ADAMTS17: variants seen among roughly 807,000 people sequenced by gnomAD.
The protein encoded by ADAMTS17 is A disintegrin and metalloproteinase with thrombospondin motifs 17.
ADAMTS17 carries 113 observed loss-of-function variants against 141.5 expected under a neutral mutation model. The observed-to-expected ratio is 0.80, with a 90% confidence interval of 0.69 to 0.93. The LOEUF (loss-of-function observed/expected upper bound fraction) is 0.93, where lower values mean the gene tolerates loss of function less well. Ranked by LOEUF, ADAMTS17 falls within the 40% of genes least tolerant of loss-of-function variation. The pLI, the probability that ADAMTS17 is intolerant of heterozygous loss-of-function variation, is 0.00. For missense variants in ADAMTS17, 1,659 were observed against 1,517.9 expected, an observed-to-expected ratio of 1.09 and a Z score of -1.54; for synonymous variants, 768 against 630.6, an observed-to-expected ratio of 1.22 and a Z score of -3.27.
At chr15:100,195,897 A>G (rs545626997) in intron 8 of ADAMTS17, among the ~76,000 whole-genome samples, 2 of 152,338 alleles carry the variant, frequency 1.3e-5, no homozygotes, top group African/African-American at 2.4e-5. Context: ...AGTGATCCCA[A>G]ATCATATTAA....
chr15:100,088,505 A>G (rs1311822038), intron 15 of ADAMTS17, among the ~76,000 whole-genome samples: 2 of 152,134 alleles, frequency 1.3e-5, no homozygotes, highest in African/African-American at 4.8e-5. Context: ...GTTCATATGG[A>G]ACCAAAAAAA....
At chr15:100,015,209 A>T (rs1427690256) in intron 18 of ADAMTS17, among the ~76,000 whole-genome samples, 1 of 152,140 alleles carries the variant, frequency 6.6e-6, no homozygotes, top group Non-Finnish European at 1.5e-5. Flanking sequence ...GTCTATTTGC[A>T]TGAATTGCCT....
intron 14 of ADAMTS17, among the ~76,000 whole-genome samples, chr15:100,097,151 T>C (rs1021800206): frequency 3.9e-5 from 6 of 152,144 alleles, no homozygotes; most frequent in Non-Finnish European, 8.8e-5. Context: ...CAGAAAAAGG[T>C]TTTGGACTCT....
At chr15:100,281,965 C>T (rs1342524697) in intron 3 of ADAMTS17, among the ~76,000 whole-genome samples, 1 of 152,114 alleles carries the variant, frequency 6.6e-6, no homozygotes, top group Non-Finnish European at 1.5e-5. Flanking sequence ...CACATCCAGG[C>T]TAAAATGAAA....
At chr15:100,051,841 C>G (rs1596305560) in intron 16 of ADAMTS17, 110 bp from the exon 17 acceptor site, 2 of 1,379,874 alleles carry the variant, frequency 1.4e-6, no homozygotes, top group East Asian at 4.6e-5. Context: ...GAGGGGTAAC[C>G]AGCTCTTTTC....
intron 10 of ADAMTS17, among the ~76,000 whole-genome samples, chr15:100,141,963 G>C (rs1672834734): frequency 6.6e-6 from 1 of 152,248 alleles, no homozygotes; most frequent in Admixed American, 6.5e-5. Context: ...GACCCCGCCA[G>C]CCACCCATTC....
intron 13 of ADAMTS17, among the ~76,000 whole-genome samples, chr15:100,113,737 A>G (rs58667014): frequency 0.016 from 2,412 of 152,294 alleles, 58 homozygotes; most frequent in African/African-American, 0.056. Context: ...CCTCCTTTTC[A>G]TTAAGCGGCC....
chr15:100,086,168 GA>G (rs2035087958), intron 15 of ADAMTS17, among the ~76,000 whole-genome samples: 1 of 152,050 alleles, frequency 6.6e-6, no homozygotes, highest in African/African-American at 2.4e-5. Flanking sequence ...CAAGCAGATG[GA>G]AAACAGAAAA....
intron 8 of ADAMTS17, among the ~76,000 whole-genome samples, chr15:100,191,368 A>T (rs1462476986): frequency 6.6e-6 from 1 of 152,244 alleles, no homozygotes; most frequent in East Asian, 1.9e-4. Flanking sequence ...CATGCTGCTC[A>T]GAATACAGGT....
At chr15:100,110,846 G>A (rs1235236412) in intron 13 of ADAMTS17, among the ~76,000 whole-genome samples, 2 of 152,112 alleles carry the variant, frequency 1.3e-5, no homozygotes, top group African/African-American at 4.8e-5. Flanking sequence ...GGACGACCTT[G>A]GCATCCCACC....
chr15:100,020,880 G>A (rs1256694195), intron 18 of ADAMTS17, among the ~76,000 whole-genome samples: 1 of 152,156 alleles, frequency 6.6e-6, no homozygotes, highest in Non-Finnish European at 1.5e-5. Context: ...CTTTAGTACA[G>A]ATGACAGCTT....
intron 7 of ADAMTS17, among the ~76,000 whole-genome samples, chr15:100,227,155 T>C (rs1237137892): frequency 6.6e-6 from 1 of 152,192 alleles, no homozygotes; most frequent in East Asian, 1.9e-4. Flanking sequence ...CAGATCTCGC[T>C]GTTCAAATCC....
intron 13 of ADAMTS17, among the ~76,000 whole-genome samples, chr15:100,110,566 A>T (rs2036710942): frequency 6.6e-6 from 1 of 151,998 alleles, no homozygotes. Context: ...GCCCCGCAAG[A>T]CTCAGTATAT....
At chr15:100,121,107 C>G (rs1332300294) in intron 12 of ADAMTS17, among the ~76,000 whole-genome samples, 2 of 152,210 alleles carry the variant, frequency 1.3e-5, no homozygotes, top group South Asian at 4.2e-4. Flanking sequence ...AAGATTTTAG[C>G]AGGCAGAAGA....
At chr15:100,096,082 C>A (rs1248961587) in intron 15 of ADAMTS17, among the ~76,000 whole-genome samples, 2 of 152,226 alleles carry the variant, frequency 1.3e-5, no homozygotes, top group East Asian at 3.8e-4. Flanking sequence ...GTGCTGAGCT[C>A]CTGGCCCAGG....
At chr15:100,218,559 A>G (rs924330604) in intron 7 of ADAMTS17, among the ~76,000 whole-genome samples, 3 of 152,224 alleles carry the variant, frequency 2.0e-5, no homozygotes, top group Admixed American at 2.0e-4. Context: ...GAATGACTAT[A>G]ATCAAAAAGA....
intron 8 of ADAMTS17, among the ~76,000 whole-genome samples, chr15:100,160,627 T>C (rs1163605517): frequency 6.6e-6 from 1 of 152,200 alleles, no homozygotes; most frequent in East Asian, 1.9e-4. Flanking sequence ...GGCAACTCCA[T>C]ATTCCTCACA....
intron 8 of ADAMTS17, among the ~76,000 whole-genome samples, chr15:100,172,155 G>A (rs190810005): frequency 2.9e-4 from 44 of 152,272 alleles, no homozygotes; most frequent in African/African-American, 7.2e-4. Flanking sequence ...CTCAATTTCC[G>A]CAAAGCATTG....
intron 3 of ADAMTS17, among the ~76,000 whole-genome samples, chr15:100,288,564 A>G (rs1182776395): frequency 2.0e-5 from 3 of 152,212 alleles, no homozygotes; most frequent in African/African-American, 2.4e-5. Context: ...CAGAGTATAC[A>G]TTCTTCTCAT....
Sources: gnomAD v4.1 joint callset for allele counts (sites outside exome capture counted in the v4.1 genomes callset) on GRCh38, gnomAD v4.1.1 for gene constraint, MANE v1.5 for transcripts, NCBI Gene and HGNC (gene_info 2026-07-23, HGNC 2026-07-21) for gene names.